Variants in CRADD observed in about 807,000 individuals in gnomAD.
CRADD encodes the protein CARD and death domain containing adaptor protein, also known as death domain-containing protein CRADD.
Under a neutral mutation model 15.5 loss-of-function variants are expected in CRADD, and 9 were observed. That is an observed-to-expected ratio of 0.58 (90% confidence interval 0.35 to 1.01). CRADD has a LOEUF of 1.01. Ranked by LOEUF, CRADD falls within the 50% of genes least tolerant of loss-of-function variation. CRADD has a pLI of 0.02. For synonymous variants in CRADD, 118 were observed against 107.6 expected, an observed-to-expected ratio of 1.10 and a Z score of -0.60; for missense variants, 227 against 250.3, an observed-to-expected ratio of 0.91 and a Z score of 0.63.
At chr12:93,703,141 G>A (rs1955872622) in intron 2 of CRADD, among the ~76,000 whole-genome samples, 1 of 152,082 alleles carries the variant, frequency 6.6e-6, no homozygotes, top group African/African-American at 2.4e-5. Context: ...GCCAAAGACT[G>A]ATTACCTTCC....
At chr12:93,770,979 A>G (rs777989818) in intron 2 of CRADD, among the ~76,000 whole-genome samples, 6 of 152,024 alleles carry the variant, frequency 3.9e-5, no homozygotes, top group Non-Finnish European at 5.9e-5. Flanking sequence ...GTATCTTTCC[A>G]TTTATTTGTG....
At chr12:93,761,599 C>A (rs1956964199) in intron 2 of CRADD, among the ~76,000 whole-genome samples, 1 of 152,110 alleles carries the variant, frequency 6.6e-6, no homozygotes, top group South Asian at 2.1e-4. Context: ...GATGTCATCT[C>A]ATTCCCATTA....
At chr12:93,682,338 A>G (rs569216415) in intron 2 of CRADD, among the ~76,000 whole-genome samples, 1 of 152,320 alleles carries the variant, frequency 6.6e-6, no homozygotes, top group South Asian at 2.1e-4. Flanking sequence ...TAATGTATGT[A>G]CACATTAAAC....
chr12:93,711,233 GA>G (rs1429038934), intron 2 of CRADD, among the ~76,000 whole-genome samples: 1 of 151,666 alleles, frequency 6.6e-6, no homozygotes, highest in East Asian at 1.9e-4. Flanking sequence ...GTAAACTCAG[GA>G]AAAGAAGCAA....
At chr12:93,838,214 G>GT (rs66564800) in intron 2 of CRADD, among the ~76,000 whole-genome samples, 21,534 of 130,496 alleles carry the variant, frequency 0.17, 2,145 homozygotes, top group African/African-American at 0.24. Context: ...TCCTTTTGAG[G>GT]TTTTTTTTTT....
chr12:93,765,605 G>A (rs1014073425), intron 2 of CRADD, among the ~76,000 whole-genome samples: 5 of 152,184 alleles, frequency 3.3e-5, no homozygotes, highest in East Asian at 1.9e-4. Flanking sequence ...TCCTGGGTGC[G>A]CCCTCCTAGG....
At chr12:93,731,438 C>G (rs1285925517) in intron 2 of CRADD, among the ~76,000 whole-genome samples, 1 of 152,184 alleles carries the variant, frequency 6.6e-6, no homozygotes, top group African/African-American at 2.4e-5. Context: ...TTGGCACAGG[C>G]ATGTGCTCAC....
In CRADD at chr12:93,844,420, T is replaced by C. The variant is rs185207336; in HGVS notation, c.299-5550T>C. Reference sequence around the variant, plus strand: ...ACAAACAGCTGTGATTGCCTCTCTATATGTGCAAAGATGTCCATTTGGAAA... The same window carrying C: ...ACAAACAGCTGTGATTGCCTCTCTACATGTGCAAAGATGTCCATTTGGAAA... On this transcript the variant is annotated intron_variant, in intron 2 of 2. Transcript: ENST00000332896. 1.4e-4 allele frequency among the ~76,000 whole-genome samples: 22 copies of C among 152,314 alleles called. No homozygotes were observed. The East Asian group carries it at 3.5e-3, about 24-fold the overall frequency.
intron 2 of CRADD, among the ~76,000 whole-genome samples, chr12:93,872,352 G>A (rs976260562): frequency 6.6e-6 from 1 of 152,058 alleles, no homozygotes; most frequent in Non-Finnish European, 1.5e-5. Flanking sequence ...CATTCTCTGG[G>A]TTGTCTCTTC....
At chr12:93,701,028 G>A (rs561837426) in intron 2 of CRADD, among the ~76,000 whole-genome samples, 24 of 151,728 alleles carry the variant, frequency 1.6e-4, no homozygotes, top group African/African-American at 5.8e-4. Flanking sequence ...CAAATGGCAA[G>A]TGCTCAAATA....
chr12:93,870,299 C>T lies in CRADD; in HGVS notation c.299-23751C>T, dbSNP rs149591959. ...TGCTAAATATTGGTAAGAACACTGACAGTCTGTGGCACTTGAACCATGACT... is the reference window on the plus strand; with the variant it reads ...TGCTAAATATTGGTAAGAACACTGATAGTCTGTGGCACTTGAACCATGACT... On this transcript the variant is annotated intron_variant, in intron 2 of 2. Coordinates refer to the CRADD transcript ENST00000548483. 1.2e-4 allele frequency among the ~76,000 whole-genome samples: 19 copies of T among 152,308 alleles called. 1 individual carries two copies. Among genetic ancestry groups the T allele is most frequent in the African/African-American group, 4.6e-4 (19 of 41,556 alleles).
intron 2 of CRADD, among the ~76,000 whole-genome samples, chr12:93,806,960 C>T (rs1363834558): frequency 6.6e-6 from 1 of 152,126 alleles, no homozygotes; most frequent in African/African-American, 2.4e-5. Context: ...CTCAGAACTA[C>T]CCAGGACTGG....
intron 2 of CRADD, among the ~76,000 whole-genome samples, chr12:93,870,240 A>G (rs965039203): frequency 6.6e-6 from 1 of 152,220 alleles, no homozygotes; most frequent in African/African-American, 2.4e-5. Flanking sequence ...ATACGACATA[A>G]CAACACATGG....
intron 2 of CRADD, among the ~76,000 whole-genome samples, chr12:93,765,783 G>C (rs1957020639): frequency 6.6e-6 from 1 of 151,664 alleles, no homozygotes; most frequent in Non-Finnish European, 1.5e-5. Flanking sequence ...AAAGGCATTA[G>C]TTAGTGCCAC....
chr12:93,804,476 C>T (rs1316511918), intron 2 of CRADD, among the ~76,000 whole-genome samples: 1 of 152,102 alleles, frequency 6.6e-6, no homozygotes, highest in Non-Finnish European at 1.5e-5. Context: ...CATACCCAGA[C>T]TATGAGAGAT....
chr12:93,772,457 C>T (rs1957094449), intron 2 of CRADD, among the ~76,000 whole-genome samples: 1 of 152,172 alleles, frequency 6.6e-6, no homozygotes, highest in African/African-American at 2.4e-5. Flanking sequence ...ATGCCATAGC[C>T]TTTTATCTTC....
intron 2 of CRADD, among the ~76,000 whole-genome samples, chr12:93,888,159 C>T (rs895786195): frequency 2.0e-5 from 3 of 152,088 alleles, no homozygotes; most frequent in Non-Finnish European, 4.4e-5. Flanking sequence ...GGCGCGGTGG[C>T]TTATGCCTGT....
chr12:93,885,545 G>A (rs1395537202), intron 2 of CRADD, among the ~76,000 whole-genome samples: 1 of 151,982 alleles, frequency 6.6e-6, no homozygotes, highest in Non-Finnish European at 1.5e-5. Flanking sequence ...CCTCAACTGA[G>A]TGAGAGGCAG....
At chr12:93,847,294 A>G (rs992166903) in intron 2 of CRADD, among the ~76,000 whole-genome samples, 1 of 152,004 alleles carries the variant, frequency 6.6e-6, no homozygotes, top group African/African-American at 2.4e-5. Context: ...AAGGTCTACA[A>G]ACTTTTAAGG....
Sources: gnomAD v4.1 joint callset for allele counts (sites outside exome capture counted in the v4.1 genomes callset) on GRCh38, gnomAD v4.1.1 for gene constraint, MANE v1.5 for transcripts, NCBI Gene and HGNC (gene_info 2026-07-23, HGNC 2026-07-21) for gene names.